Variants in NPY2R observed in about 807,000 individuals in gnomAD.
NPY2R encodes the protein neuropeptide Y receptor Y2.
A neutral mutation model predicts 22.3 loss-of-function variants in NPY2R; 17 were observed. The ratio of observed to expected loss-of-function variants is 0.76; its 90% confidence interval spans 0.52 to 1.14. NPY2R has a LOEUF of 1.14. Ranked by LOEUF, NPY2R falls within the 50% of genes most tolerant of loss-of-function variation. NPY2R has a pLI of 0.00. For synonymous variants in NPY2R, 209 were observed against 183.4 expected, an observed-to-expected ratio of 1.14 and a Z score of -1.13; for missense variants, 424 against 467.9, an observed-to-expected ratio of 0.91 and a Z score of 0.87.
the NPY2R span, among the ~76,000 whole-genome samples, chr4:155,186,596 G>A: frequency 1.2e-4 from 18 of 152,112 alleles, no homozygotes; most frequent in African/African-American, 4.1e-4. Context: ...TTGTGTGTAT[G>A]GCAAGAGCAC....
the NPY2R span, among the ~76,000 whole-genome samples, chr4:155,197,708 T>A: frequency 6.6e-6 from 1 of 151,972 alleles, no homozygotes. Context: ...ATAGCTAAAT[T>A]AAATGGTTTC....
chr4:155,202,171 G>A, the NPY2R span, among the ~76,000 whole-genome samples: 1 of 152,280 alleles, frequency 6.6e-6, no homozygotes, highest in South Asian at 2.1e-4. Context: ...AAAGAAGATG[G>A]TATCCCAATG....
chr4:155,201,688 G>C, the NPY2R span, among the ~76,000 whole-genome samples: 15,994 of 152,132 alleles, frequency 0.11, 992 homozygotes, highest in East Asian at 0.17. Context: ...CCAGGTTAAA[G>C]TGACTTATTT....
the NPY2R span, among the ~76,000 whole-genome samples, chr4:155,194,244 C>A: frequency 1.3e-5 from 2 of 151,712 alleles, no homozygotes; most frequent in Non-Finnish European, 2.9e-5. Flanking sequence ...TATATTTTTT[C>A]TTTTTTAAGT....
At chr4:155,174,822 T>C in the NPY2R span, among the ~76,000 whole-genome samples, 1 of 152,008 alleles carries the variant, frequency 6.6e-6, no homozygotes, top group African/African-American at 2.4e-5. Context: ...GGCATTGCCA[T>C]GAATCAAATA....
chr4:155,213,655 T>C (rs1000906882), intron 1 of NPY2R, among the ~76,000 whole-genome samples: 1 of 152,250 alleles, frequency 6.6e-6, no homozygotes, highest in African/African-American at 2.4e-5. Context: ...TTTACCGTCA[T>C]AGCATATATT....
In NPY2R at chr4:155,215,297, A is replaced by G. The variant is rs1004024808; in HGVS notation, c.*212A>G. The G allele has an allele frequency of 1.5e-6, 1 of 646,404 alleles. No homozygotes were observed. 40.0% of individuals were successfully genotyped at this position (646,404 alleles called of 1,614,324 possible). A position where few individuals can be genotyped will look rare whatever the true frequency, so the allele number is the denominator to read the frequency against. On this transcript the variant is annotated 3_prime_UTR_variant, in exon 2 of 2. Transcript: ENST00000329476. ...ATAAGGCAACAAAATGGTTTACTTA[A>G]CAGTTGGTTGGGTAGTAGGTTGCAT... is the stretch of plus-strand genomic sequence containing the variant.
At chr4:155,200,583 G>T in the NPY2R span, among the ~76,000 whole-genome samples, 1 of 152,030 alleles carries the variant, frequency 6.6e-6, no homozygotes, top group Non-Finnish European at 1.5e-5. Flanking sequence ...ATTTACAATA[G>T]TAAAGACATG....
rs1484934457 is a variant in NPY2R at position 155,215,061 on chromosome 4, T to C, written c.1122T>C (p.Ser374=). 1.9e-6 allele frequency: 3 copies of C among 1,613,148 alleles called. No individual in the cohort carries two copies. The highest frequency in any genetic ancestry group is 2.7e-5 in the African/African-American group (2 of 74,934). The change falls in exon 2 of 2, where the codon TCT becomes TCC. Residue 374 remains serine, a synonymous_variant. Transcript: ENST00000329476. The stretch of plus-strand genomic sequence containing the variant: ...GAAAGAACAGTGGCCCCAATGACTC[T>C]TTCACAGAGGCTACCAATGTCTAAG... ...EVRKNSGPND[S]FTEATNV is the part of the protein sequence containing the mutation.
the NPY2R span, among the ~76,000 whole-genome samples, chr4:155,178,688 C>T: frequency 0.42 from 64,280 of 151,642 alleles, 13,995 homozygotes; most frequent in East Asian, 0.69. Context: ...ATTAAGTGTG[C>T]GTGCATTTAA....
intron 1 of NPY2R, among the ~76,000 whole-genome samples, chr4:155,210,675 G>T (rs1438726945): frequency 6.6e-6 from 1 of 152,124 alleles, no homozygotes; most frequent in Non-Finnish European, 1.5e-5. Flanking sequence ...AAGAGGCTGG[G>T]GCTCCTTGGA....
At chr4:155,184,228 A>AGT in the NPY2R span, among the ~76,000 whole-genome samples, 1 of 152,076 alleles carries the variant, frequency 6.6e-6, no homozygotes, top group East Asian at 1.9e-4. Context: ...AGCCTCAAAC[A>AGT]ATTTCTCCTT....
At chr4:155,213,306 T>C (rs1729442877) in intron 1 of NPY2R, among the ~76,000 whole-genome samples, 2 of 152,176 alleles carry the variant, frequency 1.3e-5, no homozygotes, top group African/African-American at 4.8e-5. Context: ...AAGTAACTCT[T>C]CTATATATTT....
rs765184709 is a variant in NPY2R at position 155,213,899 on chromosome 4, A to G, written c.-41A>G. ...TTTGTTTTTTCTTTTTAGGTTGTAG[A>G]CTCTTGTGCTGGTTGCAGGCCAAGT... On this transcript the variant is annotated 5_prime_UTR_variant, in exon 2 of 2. Coordinates refer to ENST00000329476, the MANE Select transcript of NPY2R (RefSeq NM_000910.4). 1 of 1,509,110 alleles carries G rather than the reference A, an allele frequency of 6.6e-7. No homozygotes were observed. The highest frequency in any genetic ancestry group is 2.3e-5 in the East Asian group (1 of 44,354). 93.5% of individuals were successfully genotyped at this position (1,509,110 alleles called of 1,614,324 possible). A position where few individuals can be genotyped will look rare whatever the true frequency, so the allele number is the denominator to read the frequency against.
At position 155,215,434 on chromosome 4, in the gene NPY2R, T is replaced by G. The variant is rs776176822; in HGVS notation, c.*349T>G. On this transcript the variant is annotated 3_prime_UTR_variant, in exon 2 of 2. Transcript: ENST00000329476. ...GCTGAGAGACGGTGGGAAAATAAGT[T>G]GACTTTCAAATCACGTTAGGACCTG... 3.1e-4 allele frequency: 118 copies of G among 385,316 alleles called. No homozygotes were observed. Among genetic ancestry groups the G allele is most frequent in the Non-Finnish European group, 5.2e-4 (100 of 193,804 alleles). 23.9% of individuals were successfully genotyped at this position (385,316 alleles called of 1,614,324 possible).
the NPY2R span, among the ~76,000 whole-genome samples, chr4:155,179,921 T>C: frequency 3.3e-5 from 5 of 152,138 alleles, no homozygotes; most frequent in African/African-American, 1.2e-4. Context: ...GAGATCATAG[T>C]ATTCATTTCA....
In NPY2R at chr4:155,210,863, C is replaced by T. The variant is rs1021898913; in HGVS notation, c.-49+1794C>T. Among the ~76,000 whole-genome samples the T allele has an allele frequency of 7.9e-5, 12 of 151,864 alleles. No individual in the cohort carries two copies. In the South Asian group the frequency reaches 8.3e-4, roughly 11 times the overall value. On this transcript the variant is annotated intron_variant, in intron 1 of 1. Coordinates refer to ENST00000329476, the MANE Select transcript of NPY2R (RefSeq NM_000910.4). ...AGAAAAAAAAGTGAGATAAATGGAG[C>T]GGGAGAAAGAGAGTTGGGGGAGCAG...
chr4:155,184,952 A>G, the NPY2R span, among the ~76,000 whole-genome samples: 1 of 148,106 alleles, frequency 6.8e-6, no homozygotes, highest in Non-Finnish European at 1.5e-5. Context: ...TAAATTATAT[A>G]TATATTATAT....
the NPY2R span, among the ~76,000 whole-genome samples, chr4:155,202,871 G>A: frequency 1.3e-5 from 2 of 151,986 alleles, no homozygotes; most frequent in African/African-American, 2.4e-5. Flanking sequence ...TTTCTAAAAT[G>A]GTGCATGTTT....
Sources: allele counts gnomAD v4.1 joint callset (sites outside exome capture counted in the v4.1 genomes callset), GRCh38; gene constraint gnomAD v4.1.1; transcripts MANE v1.5; gene names NCBI Gene and HGNC (gene_info 2026-07-23, HGNC 2026-07-21).